The following MCC variants were observed in gnomAD, a reference collection of about 807,000 sequenced individuals.
MCC encodes the protein colorectal mutant cancer protein.
MCC carries 90 observed loss-of-function variants against 116.2 expected under a neutral mutation model. The observed-to-expected ratio is 0.77, with a 90% CI of 0.65 to 0.92. MCC has a LOEUF of 0.92. Ranked by LOEUF, MCC falls within the 40% of genes least tolerant of loss-of-function variation. The probability of loss-of-function intolerance (pLI) is 0.00; values close to 1 mark genes in which losing one functional copy is unlikely to be tolerated. For missense variants in MCC, 1,516 were observed against 1,312.2 expected (o/e 1.16, Z -2.40); for synonymous variants, 578 against 510.5 (o/e 1.13, Z -1.78).
Position 113,384,616 on chromosome 5 carries a change from G to T in MCC, c.415+352C>A, listed in dbSNP as rs75397173. ...CCCCCCAAAAAAATTGCTTTTAAAA[G>T]CCTCTGCATGTAACCTTGAAACTTC... On this transcript the variant is annotated intron_variant, in intron 2 of 18. Coordinates refer to ENST00000408903, the MANE Select transcript of MCC (RefSeq NM_001085377.2). 1.8e-3 allele frequency among the ~76,000 whole-genome samples: 273 copies of T among 152,208 alleles called. 1 individual carries two copies. The highest frequency in any genetic ancestry group is 2.4e-3 in the Non-Finnish European group (164 of 67,986).
chr5:113,058,973 C>A (rs546435278), intron 14 of MCC, among the ~76,000 whole-genome samples: 155 of 152,294 alleles, frequency 1.0e-3, no homozygotes, highest in Non-Finnish European at 1.6e-3. Context: ...AGAACGAAAG[C>A]TGCCAGTGGT....
chr5:113,112,490 A>G (rs1355744926), intron 6 of MCC, among the ~76,000 whole-genome samples: 1 of 152,146 alleles, frequency 6.6e-6, no homozygotes, highest in African/African-American at 2.4e-5. Flanking sequence ...CCGTAATTGT[A>G]AGTTTCCTGA....
chr5:113,115,452 A>C (rs1368252800), intron 6 of MCC, among the ~76,000 whole-genome samples: 2 of 152,140 alleles, frequency 1.3e-5, no homozygotes, highest in Non-Finnish European at 2.9e-5. Context: ...CACTGTTGTC[A>C]CTTTAGATTT....
At chr5:113,175,317 A>C (rs1761278786) in intron 3 of MCC, among the ~76,000 whole-genome samples, 1 of 152,240 alleles carries the variant, frequency 6.6e-6, no homozygotes, top group Admixed American at 6.5e-5. Flanking sequence ...TTGATGACTT[A>C]AAGCTGGAAA....
intron 3 of MCC, among the ~76,000 whole-genome samples, chr5:113,228,212 G>A (rs1689660632): frequency 6.6e-6 from 1 of 152,178 alleles, no homozygotes; most frequent in African/African-American, 2.4e-5. Flanking sequence ...AATTCGTGTT[G>A]AGGCATGGTT....
At chr5:113,201,106 C>G (rs774593612) in intron 3 of MCC, among the ~76,000 whole-genome samples, 2 of 152,064 alleles carry the variant, frequency 1.3e-5, no homozygotes, top group African/African-American at 2.4e-5. Context: ...ACTGGCCTGG[C>G]TGGGCACAGG....
chr5:113,478,675 G>C (rs978952516), intron 1 of MCC, among the ~76,000 whole-genome samples: 1 of 152,120 alleles, frequency 6.6e-6, no homozygotes, highest in Non-Finnish European at 1.5e-5. Context: ...TCAGAGATAT[G>C]GAAAGAGTAA....
At position 113,454,074 on chromosome 5, in the gene MCC, G is replaced by A. The variant is rs149027742; in HGVS notation, c.170+34171C>T. Among the ~76,000 whole-genome samples, 34 of 151,970 alleles carry A rather than the reference G, an allele frequency of 2.2e-4. No homozygotes were observed. In the East Asian group the frequency reaches 6.0e-3, roughly 27 times the overall value. ...GCGGTGGACGGAATATCGCGCTATTGCACTCCAGCCTGGGCAACAAGAGCG... is the reference window on the plus strand; with the variant it reads ...GCGGTGGACGGAATATCGCGCTATTACACTCCAGCCTGGGCAACAAGAGCG... On this transcript the variant is annotated intron_variant, in intron 1 of 18. Transcript: ENST00000408903.
chr5:113,342,785 G>A (rs2150379499), intron 2 of MCC, among the ~76,000 whole-genome samples: 1 of 152,362 alleles, frequency 6.6e-6, no homozygotes, highest in East Asian at 1.9e-4. Context: ...CTGGGTAAAT[G>A]TGTTTTCTGG....
chr5:113,429,279 G>C (rs1263478856), intron 1 of MCC, among the ~76,000 whole-genome samples: 1 of 152,046 alleles, frequency 6.6e-6, no homozygotes, highest in Admixed American at 6.5e-5. Flanking sequence ...GACAGAAAGA[G>C]AGAGAGAGAG....
At chr5:113,208,271 T>C (rs1762991538) in intron 3 of MCC, among the ~76,000 whole-genome samples, 1 of 152,168 alleles carries the variant, frequency 6.6e-6, no homozygotes, top group African/African-American at 2.4e-5. Flanking sequence ...GCTGGATAAT[T>C]AGTTCAAATC....
At chr5:113,263,305 C>T (rs549559863) in intron 3 of MCC, among the ~76,000 whole-genome samples, 46 of 152,120 alleles carry the variant, frequency 3.0e-4, no homozygotes, top group African/African-American at 1.0e-3. Flanking sequence ...GAATGGAAGC[C>T]GAAGGAAGAA....
intron 6 of MCC, 60 bp from the exon 7 acceptor site, chr5:113,104,415 T>G: frequency 3.4e-6 from 5 of 1,477,132 alleles, no homozygotes; most frequent in Non-Finnish European, 4.6e-6. Flanking sequence ...CTGTTTTGCT[T>G]ACCATGAGGG....
intron 1 of MCC, among the ~76,000 whole-genome samples, chr5:113,446,352 T>C (rs1393019127): frequency 2.6e-5 from 4 of 152,216 alleles, no homozygotes; most frequent in Admixed American, 1.3e-4. Context: ...ACTATGCCTC[T>C]GATGACAGTC....
intron 3 of MCC, among the ~76,000 whole-genome samples, chr5:113,241,613 C>G (rs1764372591): frequency 6.6e-6 from 1 of 152,204 alleles, no homozygotes; most frequent in Non-Finnish European, 1.5e-5. Context: ...ACTACTGTCT[C>G]TCACCTTGAC....
intron 3 of MCC, among the ~76,000 whole-genome samples, chr5:113,163,390 G>A (rs1395767537): frequency 6.6e-6 from 1 of 152,154 alleles, no homozygotes; most frequent in African/African-American, 2.4e-5. Flanking sequence ...AATTAACTTA[G>A]CAATCATTAT....
chr5:113,251,842 C>T (rs1344729151), intron 3 of MCC, among the ~76,000 whole-genome samples: 1 of 152,100 alleles, frequency 6.6e-6, no homozygotes, highest in Admixed American at 6.6e-5. Flanking sequence ...TATTCAACGA[C>T]GCCTACAAAA....
chr5:113,343,550 C>T (rs531522659), intron 2 of MCC, among the ~76,000 whole-genome samples: 3 of 152,270 alleles, frequency 2.0e-5, no homozygotes, highest in African/African-American at 7.2e-5. Flanking sequence ...AAGTGGAGTC[C>T]CCACATTGGA....
intron 5 of MCC, among the ~76,000 whole-genome samples, chr5:113,136,892 C>T (rs148209029): frequency 7.9e-4 from 120 of 152,230 alleles, no homozygotes; most frequent in African/African-American, 2.6e-3. Context: ...TCCTGTTTTA[C>T]GTTGGGTAAC....
Sources: gnomAD v4.1 joint callset for allele counts (sites outside exome capture counted in the v4.1 genomes callset) on GRCh38, gnomAD v4.1.1 for gene constraint, MANE v1.5 for transcripts, NCBI Gene and HGNC (gene_info 2026-07-23, HGNC 2026-07-21) for gene names.